Variants in KCNJ13 observed in about 807,000 individuals in gnomAD.
The protein encoded by KCNJ13 is potassium inwardly rectifying channel subfamily J member 13.
Under a neutral mutation model 24.6 loss-of-function variants are expected in KCNJ13, and 9 were observed. That is an observed-to-expected ratio of 0.37 (90% confidence interval 0.22 to 0.64). The LOEUF (loss-of-function observed/expected upper bound fraction) is 0.64. Among genes scored for constraint, KCNJ13 ranks in the 30% least tolerant of loss-of-function variants. The probability of loss-of-function intolerance (pLI) is 0.64; values close to 1 mark genes in which losing one functional copy is unlikely to be tolerated. For synonymous variants in KCNJ13, 148 were observed against 154.7 expected (o/e 0.96, Z 0.32); for missense variants, 337 against 443.8 (o/e 0.76, Z 2.16).
Position 232,766,288 on chromosome 2 carries a change from T to C in KCNJ13, c.*1903A>G, listed in dbSNP as rs747965552. 1.3e-5 allele frequency among the ~76,000 whole-genome samples: 2 copies of C among 152,192 alleles called. No individual in the cohort carries two copies. The highest frequency in any genetic ancestry group is 2.9e-5 in the Non-Finnish European group (2 of 68,034). ...GTGTAGGGGAAGTCATATTTAGTTT[T>C]CAAATGCCAAATTTATTATAAACAG... On this transcript the variant is annotated 3_prime_UTR_variant, in exon 3 of 3. Coordinates refer to ENST00000233826, the MANE Select transcript of KCNJ13 (RefSeq NM_002242.4).
At chr2:232,775,354 G>T (rs1699467002) in intron 1 of KCNJ13, among the ~76,000 whole-genome samples, 1 of 152,068 alleles carries the variant, frequency 6.6e-6, no homozygotes, top group African/African-American at 2.4e-5. Flanking sequence ...AAAAAAGAGG[G>T]AATTATGATA....
chr2:232,771,518 C>T (rs1013102981), intron 1 of KCNJ13, 140 bp from the exon 2 acceptor site: 10 of 556,118 alleles, frequency 1.8e-5, no homozygotes, highest in East Asian at 5.7e-5. Flanking sequence ...TTTCTCTTCA[C>T]GTTAGATGGC....
In KCNJ13 at chr2:232,768,652, G is replaced by A. The variant is rs770984701; in HGVS notation, c.622C>T (p.Leu208Phe). 1 of 1,613,996 alleles carries A rather than the reference G, an allele frequency of 6.2e-7. No individual in the cohort carries two copies. Among genetic ancestry groups the A allele is most frequent in the Non-Finnish European group, 8.5e-7 (1 of 1,179,952 alleles). Residue 208 changes from leucine (L) to phenylalanine (F), a missense_variant, in exon 3 of 3, where the codon CTC (leucine) becomes TTC (phenylalanine). Transcript: ENST00000233826. ...PLTSVRVSAV[L>F]YQERENGKLY... The stretch of plus-strand genomic sequence containing the variant: ...TTGCCATTTTCTCTTTCCTGATAGA[G>A]TACAGCTGAGACCCGGACACTGGTT...
Position 232,771,063 on chromosome 2 carries a change from G to T in KCNJ13, c.300C>A (p.Val100=). Residue 100 remains valine, a synonymous_variant, in exon 2 of 3, where the codon GTC becomes GTA. Coordinates refer to ENST00000233826, the MANE Select transcript of KCNJ13 (RefSeq NM_002242.4). ...DAPPENHTIC[V]KYITSFTAAF... The stretch of plus-strand genomic sequence containing the variant: ...CAGCTGTGAAACTGGTGATATACTT[G>T]ACACAGATAGTGTGGTTTTCAGGTG... The T allele has an allele frequency of 6.2e-7, 1 of 1,614,024 alleles. No individual in the cohort carries two copies. Among genetic ancestry groups the T allele is most frequent in the African/African-American group, 1.3e-5 (1 of 75,004 alleles).
Position 232,776,531 on chromosome 2 carries a change from C to A in KCNJ13, c.-103G>T. 1 of 981,966 alleles carries A rather than the reference C, an allele frequency of 1.0e-6. No individual in the cohort carries two copies. Among genetic ancestry groups the A allele is most frequent in the Non-Finnish European group, 1.6e-6 (1 of 621,332 alleles). The allele number at this position is 981,966 out of a possible 1,614,324, so 60.8% of individuals were successfully genotyped here. A position where few individuals can be genotyped will look rare whatever the true frequency, so the allele number is the denominator to read the frequency against. On this transcript the variant is annotated 5_prime_UTR_variant, in exon 1 of 3. Transcript: ENST00000233826. Reference sequence around the variant, plus strand: ...GCCTTTTTGATCAGATAATTTTAATCTACAAGTCTAGTTTGTAGGTTCTCT... The same window carrying A: ...GCCTTTTTGATCAGATAATTTTAATATACAAGTCTAGTTTGTAGGTTCTCT...
chr2:232,774,357 C>T (rs1699420787), intron 1 of KCNJ13, among the ~76,000 whole-genome samples: 1 of 152,046 alleles, frequency 6.6e-6, no homozygotes. Context: ...AGGTTAGAAA[C>T]AGATATTCAG....
In KCNJ13 at chr2:232,768,596, A is replaced by G. The variant is rs1429621532; in HGVS notation, c.678T>C (p.Leu226=). ...GACATTCGTCAGAACTGATGCCATC[A>G]AGGTGGAAATCCACACTGGTCTGGT... The part of the protein sequence containing the change: ...KLYQTSVDFH[L]DGISSDECPF... The change falls in exon 3 of 3, where the codon CTT becomes CTC. Residue 226 remains leucine (L), a synonymous_variant. Coordinates refer to ENST00000233826, the MANE Select transcript of KCNJ13 (RefSeq NM_002242.4). The G allele has an allele frequency of 6.2e-7, 1 of 1,614,074 alleles. No homozygotes were observed. Among genetic ancestry groups the G allele is most frequent in the African/African-American group, 1.3e-5 (1 of 74,942 alleles).
chr2:232,769,505 C>CAAAA (rs34912964), intron 2 of KCNJ13, among the ~76,000 whole-genome samples: 1 of 66,514 alleles, frequency 1.5e-5, no homozygotes, highest in Non-Finnish European at 3.2e-5. Context: ...GACTCCATCT[C>CAAAA]AAAAAAAAAA....
chr2:232,775,498 T>C (rs1205449308), intron 1 of KCNJ13, among the ~76,000 whole-genome samples: 2 of 152,220 alleles, frequency 1.3e-5, no homozygotes, highest in East Asian at 1.9e-4. Flanking sequence ...TAAAAAATTA[T>C]ACTATTGTTA....
chr2:232,773,890 A>T (rs2106343745), intron 1 of KCNJ13, among the ~76,000 whole-genome samples: 1 of 141,806 alleles, frequency 7.1e-6, no homozygotes, highest in South Asian at 2.4e-4. Flanking sequence ...TAGGCAACGT[A>T]GTGAGACTTT....
Position 232,768,763 on chromosome 2 carries a change from G to T in KCNJ13, c.511C>A (p.Arg171Ser), listed in dbSNP as rs147221151. 6 of 1,599,630 alleles carry T rather than the reference G, an allele frequency of 3.8e-6. No individual in the cohort carries two copies. The highest frequency in any genetic ancestry group is 4.5e-5 in the East Asian group (2 of 44,544). Reference sequence around the variant, plus strand: ...GCTACTACTGCTGTGTCAGTAAAGCGAATTGAAAAAGCTCGATTTTTTGGC... The same window carrying T: ...GCTACTACTGCTGTGTCAGTAAAGCTAATTGAAAAAGCTCGATTTTTTGGC... ...ARPKNRAFSIRFTDTAVVAHM... is the reference protein window; with the variant it reads ...ARPKNRAFSISFTDTAVVAHM... The change falls in exon 3 of 3, where the codon CGC becomes AGC. Residue 171 changes from arginine to serine, a missense_variant. Around this residue, in one of 3 missense-constraint regions of KCNJ13, gnomAD observed 235 missense variants for 286.9 expected, o/e 0.82. Coordinates refer to ENST00000233826, the MANE Select transcript of KCNJ13 (RefSeq NM_002242.4).
At chr2:232,769,318 G>A (rs1699122759) in intron 2 of KCNJ13, among the ~76,000 whole-genome samples, 1 of 151,942 alleles carries the variant, frequency 6.6e-6, no homozygotes, top group African/African-American at 2.4e-5. Flanking sequence ...GTCATTTGAG[G>A]TCAGGAGTTT....
In KCNJ13 at chr2:232,768,846, T is replaced by A. The variant is rs145004975; in HGVS notation, c.461-33A>T. On this transcript the variant is annotated intron_variant, in intron 2 of 2. Coordinates refer to ENST00000233826, the MANE Select transcript of KCNJ13 (RefSeq NM_002242.4). ...AGAAATTATTGATTTTTTTTTAGAATGAAGACTTTAAATATCAATACTTTT... is the reference window on the plus strand; with the variant it reads ...AGAAATTATTGATTTTTTTTTAGAAAGAAGACTTTAAATATCAATACTTTT... The A allele has an allele frequency of 7.3e-5, 114 of 1,567,570 alleles. 2 individuals are homozygous for A. The African/African-American group carries it at 1.0e-3, about 14-fold the overall frequency.
At chr2:232,776,186 T>A (rs899361371) in intron 1 of KCNJ13, among the ~76,000 whole-genome samples, 2 of 152,178 alleles carry the variant, frequency 1.3e-5, no homozygotes, top group Admixed American at 6.5e-5. Context: ...TATCCTCTAC[T>A]GATATATTGT....
In KCNJ13 at chr2:232,773,742, G is replaced by A. The variant is rs577508207; in HGVS notation, c.-16-2364C>T. Among the ~76,000 whole-genome samples the A allele has an allele frequency of 3.3e-5, 5 of 152,076 alleles. No individual in the cohort carries two copies. In the South Asian group the frequency reaches 1.0e-3, roughly 32 times the overall value. ...ACCAAATACTTCATATGTACAAACTGATGTGAAGCCAGTGGCACAGAGTAA... is the reference window on the plus strand; with the variant it reads ...ACCAAATACTTCATATGTACAAACTAATGTGAAGCCAGTGGCACAGAGTAA... On this transcript the variant is annotated intron_variant, in intron 1 of 2. Coordinates refer to ENST00000233826, the MANE Select transcript of KCNJ13 (RefSeq NM_002242.4).
In KCNJ13 at chr2:232,767,509, T is replaced by C. The variant is rs536014520; in HGVS notation, c.*682A>G. 1.3e-5 allele frequency: 2 copies of C among 152,814 alleles called. No individual in the cohort carries two copies. Among genetic ancestry groups the C allele is most frequent in the South Asian group, 4.1e-4 (2 of 4,834 alleles). 9.5% of individuals were successfully genotyped at this position (152,814 alleles called of 1,614,324 possible). A position where few individuals can be genotyped will look rare whatever the true frequency, so the allele number is the denominator to read the frequency against. On this transcript the variant is annotated 3_prime_UTR_variant, in exon 3 of 3. Transcript: ENST00000233826. ...GCAAAATACCACCCCACAGGTTCCATTTGGGCTGGAGCTTATCTGATCACC... is the reference window on the plus strand; with the variant it reads ...GCAAAATACCACCCCACAGGTTCCACTTGGGCTGGAGCTTATCTGATCACC...
chr2:232,775,048 G>A (rs777806047), intron 1 of KCNJ13, among the ~76,000 whole-genome samples: 2 of 151,806 alleles, frequency 1.3e-5, no homozygotes, highest in African/African-American at 2.4e-5. Context: ...GCTGATAATC[G>A]GAACAGTTAA....
At chr2:232,768,896 T>C in intron 2 of KCNJ13, 83 bp from the exon 3 acceptor site, 1 of 1,208,092 alleles carries the variant, frequency 8.3e-7, no homozygotes, top group South Asian at 1.5e-5. Context: ...GTATATCAAA[T>C]ATTTACACAT....
intron 1 of KCNJ13, among the ~76,000 whole-genome samples, chr2:232,774,177 A>G (rs1005941744): frequency 2.0e-5 from 3 of 152,088 alleles, no homozygotes; most frequent in Non-Finnish European, 4.4e-5. Context: ...GTGGATATGA[A>G]TATTATACAT....
Sources: allele counts gnomAD v4.1 joint callset (sites outside exome capture counted in the v4.1 genomes callset), GRCh38; gene constraint gnomAD v4.1.1; regional missense constraint gnomAD v4.1.1; transcripts MANE v1.5; gene names NCBI Gene and HGNC (gene_info 2026-07-23, HGNC 2026-07-21).